The following APTX variants were observed in gnomAD, a reference collection of about 807,000 sequenced individuals.
APTX encodes aprataxin, also known as forkhead-associated domain histidine triad-like protein.
A neutral mutation model predicts 42.3 loss-of-function variants in APTX; 33 were observed. That is an observed-to-expected ratio of 0.78 (90% CI 0.59 to 1.04). The LOEUF (loss-of-function observed/expected upper bound fraction) is 1.04. APTX is among the 50% of genes least tolerant of loss of function. The pLI is 0.00. For synonymous variants in APTX, 130 were observed against 146.7 expected (o/e 0.89, Z 0.82); for missense variants, 421 against 415.1 (o/e 1.01, Z -0.12).
chr9:32,993,719 C>CTTTTTT (rs1269512640), intron 1 of APTX, among the ~76,000 whole-genome samples: 2 of 132,984 alleles, frequency 1.5e-5, no homozygotes, highest in East Asian at 2.2e-4. Flanking sequence ...ACCTCTATAT[C>CTTTTTT]TTTTTTTTTT....
chr9:32,977,385 G>C (rs1228797248), intron 6 of APTX, among the ~76,000 whole-genome samples: 1 of 152,174 alleles, frequency 6.6e-6, no homozygotes, highest in Non-Finnish European at 1.5e-5. Context: ...TCGGGAGGCT[G>C]AGGCAAAAGG....
At chr9:33,008,605 G>C (rs1837324439) in intron 1 of APTX, among the ~76,000 whole-genome samples, 1 of 148,616 alleles carries the variant, frequency 6.7e-6, no homozygotes, top group Admixed American at 6.8e-5. Flanking sequence ...AGGCTGGAGT[G>C]CAGTGGCACG....
chr9:33,016,794 G>C (rs1310851623), intron 1 of APTX, among the ~76,000 whole-genome samples: 1 of 152,162 alleles, frequency 6.6e-6, no homozygotes, highest in Admixed American at 6.5e-5. Flanking sequence ...GAGGAGGGCA[G>C]CCCAGGCAGG....
intron 1 of APTX, among the ~76,000 whole-genome samples, chr9:33,000,821 TG>T (rs1836181169): frequency 6.1e-5 from 9 of 147,626 alleles, no homozygotes. Flanking sequence ...CTGGTATGTA[TG>T]GGGAAAGGCT....
At chr9:33,016,682 T>A (rs1487186434) in intron 1 of APTX, among the ~76,000 whole-genome samples, 1 of 151,172 alleles carries the variant, frequency 6.6e-6, no homozygotes, top group East Asian at 1.9e-4. Context: ...CCCCCCCATT[T>A]TTTTAGAATT....
At chr9:32,988,998 A>G (rs1832887745) in intron 2 of APTX, among the ~76,000 whole-genome samples, 1 of 152,166 alleles carries the variant, frequency 6.6e-6, no homozygotes, top group African/African-American at 2.4e-5. Context: ...AGGAAAGAAG[A>G]ACCACCATAG....
At chr9:32,985,333 T>G (rs1001341351) in intron 5 of APTX, among the ~76,000 whole-genome samples, 1 of 144,758 alleles carries the variant, frequency 6.9e-6, no homozygotes, top group African/African-American at 2.5e-5. Context: ...CCTGTTTTTT[T>G]TTTTTTTTTT....
intron 1 of APTX, among the ~76,000 whole-genome samples, chr9:33,014,899 A>C (rs189423254): frequency 1.3e-5 from 2 of 152,224 alleles, no homozygotes; most frequent in African/African-American, 4.8e-5. Flanking sequence ...GAGACATTCC[A>C]ATCTGATCTC....
At chr9:32,987,014 T>A (rs1051411499) in intron 4 of APTX, among the ~76,000 whole-genome samples, 1 of 151,546 alleles carries the variant, frequency 6.6e-6, no homozygotes, top group Non-Finnish European at 1.5e-5. Context: ...AGTTTCACAA[T>A]GTTTGCCAGG....
At chr9:32,982,700 G>A (rs1830954138) in intron 6 of APTX, among the ~76,000 whole-genome samples, 1 of 152,008 alleles carries the variant, frequency 6.6e-6, no homozygotes, top group South Asian at 2.1e-4. Flanking sequence ...ATTCTCCTTA[G>A]CACGACAACA....
chr9:32,989,160 AT>A (rs1832935528), intron 2 of APTX, among the ~76,000 whole-genome samples: 1 of 152,178 alleles, frequency 6.6e-6, no homozygotes, highest in African/African-American at 2.4e-5. Flanking sequence ...ATTAACTCAT[AT>A]AGGAAAGATC....
At position 32,987,586 on chromosome 9, in the gene APTX, G is replaced by A. The variant is rs763377610; in HGVS notation, c.441C>T (p.Cys147=). 1.9e-6 allele frequency: 3 copies of A among 1,614,070 alleles called. No homozygotes were observed. Among genetic ancestry groups the A allele is most frequent in the Non-Finnish European group, 2.5e-6 (3 of 1,180,038 alleles). ...GLEPGSNSGQ[C]SVPLKKGKDA... is the part of the protein sequence containing the mutation. Reference sequence around the variant, plus strand: ...CTTTTCCCTTCTTTAGGGGCACAGAGCATTGGCCAGAGTTGCTCCCAGGTT... The same window carrying A: ...CTTTTCCCTTCTTTAGGGGCACAGAACATTGGCCAGAGTTGCTCCCAGGTT... The change falls in exon 4 of 8, where the codon TGC becomes TGT. Residue 147 remains cysteine (C), a synonymous_variant. Coordinates refer to ENST00000379817, the MANE Select transcript of APTX (RefSeq NM_001195248.2).
chr9:32,998,218 A>G (rs1030758723), intron 1 of APTX, among the ~76,000 whole-genome samples: 1 of 152,202 alleles, frequency 6.6e-6, no homozygotes, highest in African/African-American at 2.4e-5. Flanking sequence ...AGAGAGGTCT[A>G]AGCTGACAAT....
chr9:32,980,417 G>C (rs1161150329), intron 6 of APTX: 6 of 169,508 alleles, frequency 3.5e-5, no homozygotes, highest in African/African-American at 1.4e-4. Flanking sequence ...GCTCTGGCAG[G>C]TCTTCCCCAC....
At chr9:33,021,183 TAAGAA>T (rs2119322698) in intron 1 of APTX, among the ~76,000 whole-genome samples, 1 of 148,738 alleles carries the variant, frequency 6.7e-6, no homozygotes, top group East Asian at 1.9e-4. Context: ...AATATAATGG[TAAGAA>T]AAGAGGCCAT....
At chr9:32,986,646 C>T (rs182832221) in intron 4 of APTX, among the ~76,000 whole-genome samples, 1,566 of 150,180 alleles carry the variant, frequency 0.01, 13 homozygotes, top group Non-Finnish European at 0.014. Context: ...GGATTATAGG[C>T]ATGCACCACC....
At chr9:32,994,341 G>A (rs959000624) in intron 1 of APTX, among the ~76,000 whole-genome samples, 7 of 152,074 alleles carry the variant, frequency 4.6e-5, no homozygotes, top group Admixed American at 2.6e-4. Context: ...AACTTGCCCT[G>A]CCCTGATCCA....
At chr9:32,990,678 A>G (rs1254850057) in intron 1 of APTX, among the ~76,000 whole-genome samples, 2 of 152,222 alleles carry the variant, frequency 1.3e-5, no homozygotes, top group African/African-American at 4.8e-5. Flanking sequence ...AAAAGGACTG[A>G]CTGACTCTTG....
At chr9:33,001,234 G>A in intron 1 of APTX, 1 of 1,287,766 alleles carries the variant, frequency 7.8e-7, no homozygotes, top group South Asian at 1.4e-5. Flanking sequence ...CATTTCTGGC[G>A]GAAACGCTGC....
Sources: gnomAD v4.1 joint callset for allele counts (sites outside exome capture counted in the v4.1 genomes callset) on GRCh38, gnomAD v4.1.1 for gene constraint, MANE v1.5 for transcripts, NCBI Gene and HGNC (gene_info 2026-07-23, HGNC 2026-07-21) for gene names.